CYFIP1: variants seen among roughly 807,000 people sequenced by gnomAD.
The protein encoded by CYFIP1 is cytoplasmic FMR1 interacting protein 1.
A neutral mutation model predicts 163.5 loss-of-function variants in CYFIP1; 58 were observed. The observed-to-expected ratio is 0.35, with a 90% CI of 0.29 to 0.44. The LOEUF (loss-of-function observed/expected upper bound fraction) is 0.44. Among genes scored for constraint, CYFIP1 ranks in the 20% least tolerant of loss-of-function variants. CYFIP1 has a pLI of 1.00. For missense variants in CYFIP1, 1,338 were observed against 1,653.8 expected, an observed-to-expected ratio of 0.81 and a Z score of 3.31; for synonymous variants, 663 against 660.7, an observed-to-expected ratio of 1.00 and a Z score of -0.05.
Position 22,867,104 on chromosome 15 carries a change from C to A in CYFIP1, c.*2924G>T. On this transcript the variant is annotated 3_prime_UTR_variant, in exon 31 of 31. Transcript: ENST00000617928. ...AGTATTTTACATTTTCATCCCTTCT[C>A]CAAAAGCCGAATGCACTAATGACAG... 2.1e-6 allele frequency: 1 copy of A among 485,100 alleles called. No individual in the cohort carries two copies. Among genetic ancestry groups the A allele is most frequent in the South Asian group, 4.4e-5 (1 of 22,788 alleles). 30.0% of individuals were successfully genotyped at this position (485,100 alleles called of 1,614,324 possible). A position where few individuals can be genotyped will look rare whatever the true frequency, so the allele number is the denominator to read the frequency against.
chr15:22,950,894 AAG>A (rs140738108), intron 1 of CYFIP1, among the ~76,000 whole-genome samples: 15 of 151,118 alleles, frequency 9.9e-5, no homozygotes, highest in African/African-American at 1.2e-4. Context: ...ACCAAAGGGC[AAG>A]AGAGAGAGAG....
At chr15:22,902,806 G>A (rs1335382748) in intron 22 of CYFIP1, among the ~76,000 whole-genome samples, 6 of 152,134 alleles carry the variant, frequency 3.9e-5, no homozygotes, top group South Asian at 2.1e-4. Context: ...CAGGAAACGC[G>A]GTCCTGCACC....
At chr15:22,939,688 A>G (rs1398520231) in intron 6 of CYFIP1, among the ~76,000 whole-genome samples, 181 bp from the exon 7 acceptor site, 1 of 151,400 alleles carries the variant, frequency 6.6e-6, no homozygotes, top group Non-Finnish European at 1.5e-5. Context: ...CTGGCCCTGC[A>G]CTCCAGGTCA....
intron 8 of CYFIP1, among the ~76,000 whole-genome samples, chr15:22,937,542 C>T (rs1045137147): frequency 6.6e-6 from 1 of 151,816 alleles, no homozygotes; most frequent in African/African-American, 2.4e-5. Flanking sequence ...AAGTAATGTC[C>T]AATATGCAGC....
At chr15:22,880,421 C>T (rs1323873170) in intron 25 of CYFIP1, among the ~76,000 whole-genome samples, 1 of 152,208 alleles carries the variant, frequency 6.6e-6, no homozygotes, top group Non-Finnish European at 1.5e-5. Flanking sequence ...GAAGGGGCCG[C>T]ACCTAATCTG....
At chr15:22,897,033 T>C (rs577633781) in intron 22 of CYFIP1, among the ~76,000 whole-genome samples, 2 of 152,148 alleles carry the variant, frequency 1.3e-5, no homozygotes, top group African/African-American at 2.4e-5. Context: ...GCCAACATGG[T>C]GAAACCCCAT....
intron 22 of CYFIP1, among the ~76,000 whole-genome samples, chr15:22,895,995 G>C (rs1362263629): frequency 3.3e-5 from 5 of 152,156 alleles, no homozygotes; most frequent in Non-Finnish European, 7.4e-5. Context: ...AATCGTATTA[G>C]GGCACGCCCA....
chr15:22,923,996 G>C lies in CYFIP1; in HGVS notation c.1359+1986C>G, dbSNP rs537974884. On this transcript the variant is annotated intron_variant, in intron 13 of 30. Coordinates refer to ENST00000617928, the MANE Select transcript of CYFIP1 (RefSeq NM_014608.6). Reference sequence around the variant, plus strand: ...AAAAGAAGTTCTCAGCAACTTCATAGTAGTGAAAAGGTAGAAATAACCCAA... The same window carrying C: ...AAAAGAAGTTCTCAGCAACTTCATACTAGTGAAAAGGTAGAAATAACCCAA... Among the ~76,000 whole-genome samples, 8 of 144,568 alleles carry C rather than the reference G, an allele frequency of 5.5e-5. No homozygotes were observed. In the South Asian group the frequency reaches 1.8e-3, roughly 32 times the overall value. The allele number at this position is 144,568 out of a possible 152,430, so 94.8% of individuals were successfully genotyped here. A position where few individuals can be genotyped will look rare whatever the true frequency, so the allele number is the denominator to read the frequency against.
intron 1 of CYFIP1, among the ~76,000 whole-genome samples, chr15:22,966,100 A>G (rs560232407): frequency 6.6e-6 from 1 of 152,058 alleles, no homozygotes; most frequent in African/African-American, 2.4e-5. Context: ...TGTAATCCCA[A>G]CACTTTGGGA....
In CYFIP1 at chr15:22,912,223, T is replaced by G; in HGVS notation, c.2038A>C (p.Thr680Pro). 1 of 1,614,126 alleles carries G rather than the reference T, an allele frequency of 6.2e-7. No homozygotes were observed. Among genetic ancestry groups the G allele is most frequent in the South Asian group, 1.1e-5 (1 of 91,056 alleles). The change falls in exon 18 of 31, where the codon ACC (threonine) becomes CCC (proline). Residue 680 changes from threonine to proline, a missense_variant. Thr to Pro is a conservative substitution (Grantham distance 38). Coordinates refer to ENST00000617928, the MANE Select transcript of CYFIP1 (RefSeq NM_014608.6). Reference sequence around the variant, plus strand: ...TACAGGAACTGCTTGTTGAACCTGGTGAGCGCGTAGTGGGCGCTGTCATTG... The same window carrying G: ...TACAGGAACTGCTTGTTGAACCTGGGGAGCGCGTAGTGGGCGCTGTCATTG... ...LYNDSAHYAL[T>P]RFNKQFLYDE...
At chr15:22,875,080 T>C (rs2059543961) in intron 27 of CYFIP1, 119 bp downstream of exon 27, 3 of 863,186 alleles carry the variant, frequency 3.5e-6, no homozygotes, top group South Asian at 2.7e-5. Flanking sequence ...CCCCTGGGTA[T>C]GACTGAACAG....
In CYFIP1 at chr15:22,869,663, TAC is replaced by T. The variant is rs1307460534; in HGVS notation, c.*363_*364del. On this transcript the variant is annotated 3_prime_UTR_variant, in exon 31 of 31. Coordinates refer to ENST00000617928, the MANE Select transcript of CYFIP1 (RefSeq NM_014608.6). Reference sequence around the variant, plus strand: ...GATCCCTAAACAAAAGCTAAATAGTTACAGTTAATGGTAACTGGCAAGGGATT... The same window carrying T: ...GATCCCTAAACAAAAGCTAAATAGTTAGTTAATGGTAACTGGCAAGGGATT... 6 of 162,914 alleles carry T rather than the reference TAC, an allele frequency of 3.7e-5. No individual in the cohort carries two copies. Among genetic ancestry groups the T allele is most frequent in the Non-Finnish European group, 7.9e-5 (6 of 75,582 alleles). 10.1% of individuals were successfully genotyped at this position (162,914 alleles called of 1,614,324 possible).
At chr15:22,895,645 C>A (rs781634415) in intron 22 of CYFIP1, among the ~76,000 whole-genome samples, 6 of 152,180 alleles carry the variant, frequency 3.9e-5, no homozygotes, top group Non-Finnish European at 8.8e-5. Context: ...GATGACTCAA[C>A]ATGGGGCTGG....
At chr15:22,936,999 C>A in intron 9 of CYFIP1, 105 bp downstream of exon 9, 2 of 764,406 alleles carry the variant, frequency 2.6e-6, no homozygotes, top group Non-Finnish European at 4.5e-6. Context: ...CCACCCAGCC[C>A]CAGCGTTTCC....
chr15:22,875,128 C>A (rs1159076962), intron 27 of CYFIP1, 71 bp downstream of exon 27: 7 of 1,418,958 alleles, frequency 4.9e-6, no homozygotes, highest in Non-Finnish European at 7.0e-6. Flanking sequence ...CTTAGCTCTC[C>A]GGTTGCATAC....
chr15:22,962,684 G>A (rs546191969), intron 1 of CYFIP1, among the ~76,000 whole-genome samples: 1 of 152,144 alleles, frequency 6.6e-6, no homozygotes, highest in African/African-American at 2.4e-5. Context: ...GATTACAGAC[G>A]TGAGCCACCA....
In CYFIP1 at chr15:22,867,825, A is replaced by G. The variant is rs2059224347; in HGVS notation, c.*2203T>C. 2 of 149,134 alleles carry G rather than the reference A, an allele frequency of 1.3e-5. No homozygotes were observed. Among genetic ancestry groups the G allele is most frequent in the South Asian group, 2.2e-4 (1 of 4,646 alleles). 9.2% of individuals were successfully genotyped at this position (149,134 alleles called of 1,614,324 possible). A position where few individuals can be genotyped will look rare whatever the true frequency, so the allele number is the denominator to read the frequency against. On this transcript the variant is annotated 3_prime_UTR_variant, in exon 31 of 31. Coordinates refer to ENST00000617928, the MANE Select transcript of CYFIP1 (RefSeq NM_014608.6). ...TGCTTAAGAGCTCCTTTGGGCCACT[A>G]CATATTTTGGTTTCTAGAAAATGTT...
chr15:22,980,775 C>T (rs1407502311), upstream of CYFIP1, among the ~76,000 whole-genome samples: 1 of 152,084 alleles, frequency 6.6e-6, no homozygotes, highest in Non-Finnish European at 1.5e-5. Context: ...GGCGCCGCCC[C>T]ACTTGGCAGG....
upstream of CYFIP1, among the ~76,000 whole-genome samples, chr15:22,980,564 C>T (rs2063452873): frequency 6.6e-6 from 1 of 152,014 alleles, no homozygotes; most frequent in South Asian, 2.1e-4. Context: ...GAGCCCCTGG[C>T]TACCTGCCGG....
Sources: allele counts gnomAD v4.1 joint callset (sites outside exome capture counted in the v4.1 genomes callset), GRCh38; gene constraint gnomAD v4.1.1; transcripts MANE v1.5; gene names NCBI Gene and HGNC (gene_info 2026-07-23, HGNC 2026-07-21).